CCNY: variants seen among roughly 807,000 people sequenced by gnomAD.
CCNY encodes the protein cyclin Y, also known as cyclin-Y.
A neutral mutation model predicts 42.8 loss-of-function variants in CCNY; 19 were observed. That is an observed-to-expected ratio of 0.44 (90% CI 0.31 to 0.65). The LOEUF is 0.65. Among genes scored for constraint, CCNY ranks in the 30% least tolerant of loss-of-function variants. The pLI is 0.07. For synonymous variants in CCNY, 165 were observed against 162.7 expected (o/e 1.01, Z -0.11); for missense variants, 370 against 437.3 (o/e 0.85, Z 1.37).
intron 7 of CCNY, among the ~76,000 whole-genome samples, chr10:35,536,802 G>A (rs1021590745): frequency 6.6e-6 from 1 of 152,146 alleles, no homozygotes; most frequent in African/African-American, 2.4e-5. Context: ...GCTGTTAAAG[G>A]CGTTCAGTTT....
Position 35,530,289 on chromosome 10 carries a change from C to G in CCNY, c.579+46C>G, listed in dbSNP as rs1840739231. ...CACACCCATCCCCAGCCGAGGTGGT[C>G]CAGGGCCCGTTCCTGTTACTCAGCG... On this transcript the variant is annotated intron_variant, in intron 7 of 9. Transcript: ENST00000374704. The surrounding 1 kb of genome is among the most constrained non-coding windows in gnomAD (Gnocchi z 4.3). 6.2e-7 allele frequency: 1 copy of G among 1,611,654 alleles called. No individual in the cohort carries two copies. Among genetic ancestry groups the G allele is most frequent in the Non-Finnish European group, 8.5e-7 (1 of 1,179,210 alleles).
At chr10:35,459,865 C>T (rs1198285132) in intron 1 of CCNY, among the ~76,000 whole-genome samples, 1 of 152,160 alleles carries the variant, frequency 6.6e-6, no homozygotes, top group Admixed American at 6.5e-5. Flanking sequence ...GGAATACATA[C>T]TTGGAGGGAG....
chr10:35,475,180 A>T (rs1839479273), intron 1 of CCNY, among the ~76,000 whole-genome samples: 1 of 152,060 alleles, frequency 6.6e-6, no homozygotes, highest in African/African-American at 2.4e-5. Context: ...CCTGAAAGTG[A>T]TGGGGAGAAT....
At chr10:35,419,036 G>C (rs138142630) in intron 1 of CCNY, among the ~76,000 whole-genome samples, 1 of 152,018 alleles carries the variant, frequency 6.6e-6, no homozygotes, top group East Asian at 1.9e-4. Flanking sequence ...GGCCAGGCTG[G>C]TCTTGAATTC....
chr10:35,272,073 G>T (rs955250852), intron 3 of CCNY, among the ~76,000 whole-genome samples: 1 of 152,032 alleles, frequency 6.6e-6, no homozygotes, highest in Non-Finnish European at 1.5e-5. Context: ...TGCAACCTCC[G>T]CCTGCCAGGT....
intron 1 of CCNY, among the ~76,000 whole-genome samples, chr10:35,365,567 GT>G (rs1836792046): frequency 6.6e-6 from 1 of 152,126 alleles, no homozygotes; most frequent in Non-Finnish European, 1.5e-5. Context: ...AAATTAGGAT[GT>G]TTTTGGTTAA....
At chr10:35,278,636 C>A (rs1835265443) in intron 3 of CCNY, among the ~76,000 whole-genome samples, 1 of 152,168 alleles carries the variant, frequency 6.6e-6, no homozygotes, top group Admixed American at 6.5e-5. Flanking sequence ...AATGCAAGTT[C>A]AACTAAAGCT....
chr10:35,252,698 G>C (rs115030139), intron 3 of CCNY, among the ~76,000 whole-genome samples: 1 of 151,550 alleles, frequency 6.6e-6, no homozygotes, highest in Admixed American at 6.6e-5. Flanking sequence ...CTTGCTTCTT[G>C]TTTTACTTTT....
chr10:35,408,034 A>T (rs1292085113), intron 1 of CCNY, among the ~76,000 whole-genome samples: 3 of 152,178 alleles, frequency 2.0e-5, no homozygotes, highest in Non-Finnish European at 4.4e-5. Flanking sequence ...CCAGAAAATG[A>T]AAGGAGTTGA....
chr10:35,518,338 G>C (rs1203444933), intron 4 of CCNY, among the ~76,000 whole-genome samples: 1 of 152,226 alleles, frequency 6.6e-6, no homozygotes, highest in Non-Finnish European at 1.5e-5. Context: ...TGATGATTGA[G>C]GTCTCCTTAC....
chr10:35,438,578 G>T (rs555004555), intron 1 of CCNY, among the ~76,000 whole-genome samples: 2 of 152,146 alleles, frequency 1.3e-5, no homozygotes, highest in South Asian at 4.2e-4. Flanking sequence ...GAATATTTTT[G>T]TTTATAACAA....
chr10:35,503,438 A>G (rs368473317), intron 3 of CCNY, among the ~76,000 whole-genome samples: 28 of 152,344 alleles, frequency 1.8e-4, no homozygotes, highest in South Asian at 1.2e-3. Context: ...AATGAGCGCC[A>G]TCAGTCCTGC....
chr10:35,287,044 G>T (rs1281700417), intron 3 of CCNY, among the ~76,000 whole-genome samples: 1 of 152,184 alleles, frequency 6.6e-6, no homozygotes, highest in Non-Finnish European at 1.5e-5. Context: ...CTGAAAGTGA[G>T]CAGTGTTTTC....
intron 8 of CCNY, among the ~76,000 whole-genome samples, chr10:35,558,724 G>T (rs1454721602): frequency 2.6e-5 from 4 of 152,214 alleles, no homozygotes; most frequent in Non-Finnish European, 4.4e-5. Flanking sequence ...ACACAGAGAA[G>T]GTAGCGTCTG....
intron 1 of CCNY, among the ~76,000 whole-genome samples, chr10:35,362,008 C>A (rs930631137): frequency 2.0e-5 from 3 of 152,042 alleles, no homozygotes; most frequent in Non-Finnish European, 4.4e-5. Context: ...GTTTCATGCA[C>A]AAAATAAAAC....
At chr10:35,287,619 CATA>C (rs1374360794) in intron 3 of CCNY, among the ~76,000 whole-genome samples, 2 of 152,260 alleles carry the variant, frequency 1.3e-5, no homozygotes, top group East Asian at 1.9e-4. Context: ...TTTCACTCAG[CATA>C]ATATTTTTGA....
chr10:35,321,315 G>T (rs1432184877), intron 3 of CCNY, among the ~76,000 whole-genome samples: 2 of 152,022 alleles, frequency 1.3e-5, no homozygotes, highest in African/African-American at 4.8e-5. Flanking sequence ...TGAACTACAA[G>T]ACTAAATATG....
At chr10:35,379,040 C>T (rs1160527146) in intron 1 of CCNY, among the ~76,000 whole-genome samples, 3 of 152,166 alleles carry the variant, frequency 2.0e-5, no homozygotes, top group Non-Finnish European at 4.4e-5. Context: ...GGGTCTTTTA[C>T]TTTGGGAAAT....
At chr10:35,449,836 T>C in intron 1 of CCNY, 1 of 983,420 alleles carries the variant, frequency 1.0e-6, no homozygotes, top group Non-Finnish European at 1.2e-6. Context: ...CCAGGGAGTG[T>C]TGGAGGTTGG....
Sources: allele counts gnomAD v4.1 joint callset (sites outside exome capture counted in the v4.1 genomes callset), GRCh38; gene constraint gnomAD v4.1.1; non-coding constraint Gnocchi (gnomAD v3.1); transcripts MANE v1.5; gene names NCBI Gene and HGNC (gene_info 2026-07-23, HGNC 2026-07-21).